KCNQ1: variants seen among roughly 807,000 people sequenced by gnomAD.
KCNQ1 encodes potassium voltage-gated channel subfamily KQT member 1.
Under a neutral mutation model 72.4 loss-of-function variants are expected in KCNQ1, and 49 were observed. The ratio of observed to expected loss-of-function variants is 0.68; its 90% CI spans 0.54 to 0.86. The LOEUF is 0.86. Among genes scored for constraint, KCNQ1 ranks in the 40% least tolerant of loss-of-function variants. KCNQ1 has a pLI of 0.00. For synonymous variants in KCNQ1, 450 were observed against 412.6 expected (o/e 1.09, Z -1.10); for missense variants, 790 against 945.1 (o/e 0.84, Z 2.15).
At chr11:2,456,055 C>T (rs59954955) in intron 1 of KCNQ1, among the ~76,000 whole-genome samples, 31,527 of 152,052 alleles carry the variant, frequency 0.21, 4,767 homozygotes, top group African/African-American at 0.41. Context: ...ACAGATTAGA[C>T]GTGGCCAGGC....
chr11:2,707,933 G>T (rs918984777), intron 11 of KCNQ1, among the ~76,000 whole-genome samples: 1 of 152,182 alleles, frequency 6.6e-6, no homozygotes, highest in East Asian at 1.9e-4. Flanking sequence ...CTTCTTGAGC[G>T]CCGAACCTGC....
At chr11:2,714,240 G>T (rs2283201) in intron 11 of KCNQ1, among the ~76,000 whole-genome samples, 1,767 of 152,350 alleles carry the variant, frequency 0.012, 57 homozygotes, top group East Asian at 0.088. Flanking sequence ...CTCATGGGGG[G>T]GTTGGGCCTC....
In KCNQ1 at chr11:2,847,999, C is replaced by T; in HGVS notation, c.2027C>T (p.Ser676Phe). The change falls in exon 16 of 16, where the codon TCC (serine) becomes TTC (phenylalanine). Residue 676 changes from serine to phenylalanine, a missense_variant. By Grantham distance (155) the Ser-to-Phe change is radical. Around this residue, in one of 5 missense-constraint regions of KCNQ1, gnomAD observed 94 missense variants for 85.2 expected, o/e 1.10. Coordinates refer to ENST00000155840, the MANE Select transcript of KCNQ1 (RefSeq NM_000218.3). ...TVPRRGPDEGS is the reference protein window; with the variant it reads ...TVPRRGPDEGF ...CCCAGGAGGGGCCCCGATGAGGGGTCCTGAGGAGGGGATGGGGCTGGGGGA... is the reference window on the plus strand; with the variant it reads ...CCCAGGAGGGGCCCCGATGAGGGGTTCTGAGGAGGGGATGGGGCTGGGGGA... 6.5e-7 allele frequency: 1 copy of T among 1,544,010 alleles called. No individual in the cohort carries two copies. Among genetic ancestry groups the T allele is most frequent in the Non-Finnish European group, 8.7e-7 (1 of 1,143,306 alleles).
rs1847543684 is a variant in KCNQ1 at position 2,813,829 on chromosome 11, G to A, written c.1795-33938G>A. 2.0e-5 allele frequency among the ~76,000 whole-genome samples: 3 copies of A among 152,094 alleles called. No homozygotes were observed. In the South Asian group the frequency reaches 6.2e-4, roughly 32 times the overall value. ...GAGCATTAATGAGTGTGAGTGAGTGGCGGATGAGTAGGTAGATGGACGGGG... is the reference window on the plus strand; with the variant it reads ...GAGCATTAATGAGTGTGAGTGAGTGACGGATGAGTAGGTAGATGGACGGGG... On this transcript the variant is annotated intron_variant, in intron 15 of 15. Transcript: ENST00000155840. The surrounding 1 kb of genome is among the most constrained non-coding windows in gnomAD (Gnocchi z 4.4).
At position 2,448,363 on chromosome 11, in the gene KCNQ1, G is replaced by C. The variant is rs558080852; in HGVS notation, c.386+2879G>C. On this transcript the variant is annotated intron_variant, in intron 1 of 15. Transcript: ENST00000155840. Reference sequence around the variant, plus strand: ...CCTGTTTCCCAAGAACTTTCCAGGGGTGTTGGCAGAACCCTCGCGGGTGCG... The same window carrying C: ...CCTGTTTCCCAAGAACTTTCCAGGGCTGTTGGCAGAACCCTCGCGGGTGCG... 4.3e-4 allele frequency among the ~76,000 whole-genome samples: 66 copies of C among 152,364 alleles called. 1 individual carries two copies. The highest frequency in any genetic ancestry group is 1.6e-3 in the African/African-American group (65 of 41,582).
At chr11:2,749,283 G>C (rs1222131749) in intron 11 of KCNQ1, among the ~76,000 whole-genome samples, 1 of 152,082 alleles carries the variant, frequency 6.6e-6, no homozygotes, top group Admixed American at 6.5e-5. Flanking sequence ...TTGGGGTTGA[G>C]ATTGGGAGAC....
rs1405419684 is a variant in KCNQ1, at chr11:2,492,154, AATAC to A, written c.387-35768_387-35765del. ...ATGTGAAGGTACAAAACTCACTGGTAATACATACACAGAAATACAAATAGTATTA... is the reference window on the plus strand; with the variant it reads ...ATGTGAAGGTACAAAACTCACTGGTAATACACAGAAATACAAATAGTATTA... On this transcript the variant is annotated intron_variant, in intron 1 of 15. Transcript: ENST00000155840. The surrounding 1 kb of genome is among the most constrained non-coding windows in gnomAD (Gnocchi z 4.1). Among the ~76,000 whole-genome samples, 2 of 152,222 alleles carry A rather than the reference AATAC, an allele frequency of 1.3e-5. No homozygotes were observed. Among genetic ancestry groups the A allele is most frequent in the African/African-American group, 4.8e-5 (2 of 41,458 alleles).
At chr11:2,539,114 G>A (rs1261549794) in intron 2 of KCNQ1, among the ~76,000 whole-genome samples, 2 of 152,146 alleles carry the variant, frequency 1.3e-5, no homozygotes, top group Admixed American at 6.5e-5. Context: ...ATGATGTCCC[G>A]TCGGCAGCCC....
chr11:2,574,186 C>T lies in KCNQ1; in HGVS notation c.921+1200C>T, dbSNP rs559430081. Among the ~76,000 whole-genome samples the T allele has an allele frequency of 1.3e-3, 195 of 152,316 alleles. 1 individual carries two copies. The highest frequency in any genetic ancestry group is 3.9e-3 in the African/African-American group (164 of 41,568). ...CCCACAGCTGCAGGGCCAGGTGGGC[C>T]GTCCACAGGCCACTAAGGCCCAGGG... On this transcript the variant is annotated intron_variant, in intron 6 of 15. Transcript: ENST00000155840.
At chr11:2,489,537 G>T (rs1205819917) in intron 1 of KCNQ1, among the ~76,000 whole-genome samples, 1 of 98,114 alleles carries the variant, frequency 1.0e-5, no homozygotes, top group Non-Finnish European at 2.0e-5. Flanking sequence ...CAGTGGATGT[G>T]GGGGGCACAC....
chr11:2,568,770 G>C (rs1363957384), intron 2 of KCNQ1, among the ~76,000 whole-genome samples: 2 of 152,196 alleles, frequency 1.3e-5, no homozygotes, highest in Non-Finnish European at 2.9e-5. Flanking sequence ...CCGGACCTCA[G>C]CCTAGAGCCC....
rs1322415279 is a variant in KCNQ1, at chr11:2,541,895, T to C, written c.477+13877T>C. 6.6e-6 allele frequency among the ~76,000 whole-genome samples: 1 copy of C among 152,036 alleles called. No individual in the cohort carries two copies. The highest frequency in any genetic ancestry group is 1.5e-5 in the Non-Finnish European group (1 of 68,004). ...TCGCATAGACATCAGCTAAGGGGGT[T>C]TGGGGGCCAGTCGGCAGCCTCTGGA... On this transcript the variant is annotated intron_variant, in intron 2 of 15. Coordinates refer to ENST00000155840, the MANE Select transcript of KCNQ1 (RefSeq NM_000218.3). The surrounding 1 kb of genome is among the most constrained non-coding windows in gnomAD (Gnocchi z 4.8).
rs1482076407 is a variant in KCNQ1, at chr11:2,679,293, G to A, written c.1514+17212G>A. 4 of 398,478 alleles carry A rather than the reference G, an allele frequency of 1.0e-5. No individual in the cohort carries two copies. 24.7% of individuals were successfully genotyped at this position (398,478 alleles called of 1,614,324 possible). On this transcript the variant is annotated intron_variant, in intron 11 of 15. Coordinates refer to ENST00000155840, the MANE Select transcript of KCNQ1 (RefSeq NM_000218.3). The surrounding 1 kb of genome is among the most constrained non-coding windows in gnomAD (Gnocchi z 4.8). ...TTTACTAATCCATAGCCAAAGACAG[G>A]GGCTAATAACAGGGTCTGGAGTCTG...
In KCNQ1 at chr11:2,603,056, A is replaced by G. The variant is rs1389763278; in HGVS notation, c.1393+14202A>G. The stretch of plus-strand genomic sequence containing the variant: ...GGAGATATAGTTTACATACCATACA[A>G]TTCACCCATTTAAAGAATATAATTG... On this transcript the variant is annotated intron_variant, in intron 10 of 15. Coordinates refer to ENST00000155840, the MANE Select transcript of KCNQ1 (RefSeq NM_000218.3). The surrounding 1 kb of genome is among the most constrained non-coding windows in gnomAD (Gnocchi z 4.1). Among the ~76,000 whole-genome samples the G allele has an allele frequency of 6.6e-6, 1 of 152,176 alleles. No individual in the cohort carries two copies. The highest frequency in any genetic ancestry group is 1.5e-5 in the Non-Finnish European group (1 of 68,034).
intron 1 of KCNQ1, among the ~76,000 whole-genome samples, chr11:2,470,768 G>A (rs1846438583): frequency 6.6e-6 from 1 of 151,674 alleles, no homozygotes; most frequent in Non-Finnish European, 1.5e-5. Context: ...TCAAAACCCT[G>A]GTCTCGATCA....
At chr11:2,666,592 G>T in intron 11 of KCNQ1, 1 of 398,668 alleles carries the variant, frequency 2.5e-6, no homozygotes. Flanking sequence ...AGTCTGTGCT[G>T]TCTGGAAATA....
chr11:2,512,358 G>A (rs944935290), intron 1 of KCNQ1, among the ~76,000 whole-genome samples: 22 of 152,320 alleles, frequency 1.4e-4, no homozygotes, highest in Middle Eastern at 3.4e-3. Context: ...GGATGCCCCC[G>A]AGATGGGCAG....
intron 10 of KCNQ1, chr11:2,648,987 T>TTTTTTTTTTTTTTTTTTTTTC (rs1849713747): frequency 3.7e-6 from 1 of 269,906 alleles, no homozygotes; most frequent in African/African-American, 2.3e-5. Flanking sequence ...TTTTCTTTTT[T>TTTTTTTTTTTTTTTTTTTTTC]TTTTTTTTTT....
rs61870800 is a variant in KCNQ1 at position 2,666,574 on chromosome 11, A to T, written c.1514+4493A>T. On this transcript the variant is annotated intron_variant, in intron 11 of 15. Transcript: ENST00000155840. ...CTGAATTCTGCATTTGTCAGCAAGGACAGGGCCAGTCTGTGCTGTCTGGAA... is the reference window on the plus strand; with the variant it reads ...CTGAATTCTGCATTTGTCAGCAAGGTCAGGGCCAGTCTGTGCTGTCTGGAA... The T allele has an allele frequency of 2.6e-3, 1,040 of 398,662 alleles. 4 individuals are homozygous for T. The highest frequency in any genetic ancestry group is 3.4e-3 in the Admixed American group (78 of 22,740). The allele number at this position is 398,662 out of a possible 1,614,324, so 24.7% of individuals were successfully genotyped here.
Sources: gnomAD v4.1 joint callset for allele counts (sites outside exome capture counted in the v4.1 genomes callset) on GRCh38, gnomAD v4.1.1 for gene constraint, gnomAD v4.1.1 regional missense constraint, Gnocchi (gnomAD v3.1) non-coding constraint, MANE v1.5 for transcripts, NCBI Gene and HGNC (gene_info 2026-07-23, HGNC 2026-07-21) for gene names.